The following MMS19 variants were observed in gnomAD, a reference collection of about 807,000 sequenced individuals.
The protein encoded by MMS19 is MMS19 cytosolic iron-sulfur assembly component, also known as MMS19 nucleotide excision repair protein homolog.
Under a neutral mutation model 129.8 loss-of-function variants are expected in MMS19, and 77 were observed. The ratio of observed to expected loss-of-function variants is 0.59; its 90% confidence interval spans 0.49 to 0.72. The LOEUF (loss-of-function observed/expected upper bound fraction) is 0.72, where lower values mean the gene tolerates loss of function less well. MMS19 is among the 30% of genes least tolerant of loss of function. The pLI, the probability that MMS19 is intolerant of heterozygous loss-of-function variation, is 0.00. For missense variants in MMS19, 1,168 were observed against 1,266.3 expected (o/e 0.92, Z 1.18); for synonymous variants, 491 against 502.8 (o/e 0.98, Z 0.31).
chr10:97,480,889 G>GGTCT (rs1280523413), intron 3 of MMS19, 53 bp downstream of exon 3: 1 of 1,292,818 alleles, frequency 7.7e-7, no homozygotes, highest in South Asian at 1.3e-5. Flanking sequence ...AATAGACATG[G>GGTCT]GAGACCTGGG....
chr10:97,467,810 C>G (rs187266150), intron 13 of MMS19, among the ~76,000 whole-genome samples: 1 of 151,516 alleles, frequency 6.6e-6, no homozygotes, highest in East Asian at 1.9e-4. Context: ...ACTACAGATG[C>G]GTGCCACCTT....
intron 18 of MMS19, among the ~76,000 whole-genome samples, chr10:97,465,364 C>T (rs998292624): frequency 2.0e-5 from 3 of 151,960 alleles, no homozygotes; most frequent in Non-Finnish European, 4.4e-5. Context: ...AGTACAGTGG[C>T]GCAATCTCAG....
intron 10 of MMS19, 46 bp downstream of exon 10, chr10:97,470,083 A>G (rs1316651238): frequency 7.7e-7 from 1 of 1,306,702 alleles, no homozygotes; most frequent in Middle Eastern, 1.8e-4. Context: ...AGGACCCCTA[A>G]CTTGTCAAAA....
rs752667384 is a variant in MMS19, at chr10:97,467,571, G to A, written c.1231C>T (p.Arg411Trp). 20 of 1,613,774 alleles carry A rather than the reference G, an allele frequency of 1.2e-5. No homozygotes were observed. The highest frequency in any genetic ancestry group is 1.4e-5 in the Non-Finnish European group (17 of 1,179,834). Residue 411 changes from arginine (R) to tryptophan (W), a missense_variant, in exon 14 of 31, where the codon CGG becomes TGG. By Grantham distance (101) the Arg-to-Trp change is moderately radical. Coordinates refer to ENST00000438925, the MANE Select transcript of MMS19 (RefSeq NM_022362.5). ...CCCAGGAGCATTTCAAGGATTGTCC[G>A]CCGCTGGCTGCTCTGTAACGTTTCA... ...FHKHSQSSQRRTILEMLLGFL... is the reference protein window; with the variant it reads ...FHKHSQSSQRWTILEMLLGFL...
chr10:97,485,215 A>G (rs1400759746), intron 1 of MMS19, among the ~76,000 whole-genome samples: 1 of 144,900 alleles, frequency 6.9e-6, no homozygotes, highest in East Asian at 2.1e-4. Context: ...TGCAACCTCC[A>G]CCTCCTGGGT....
At chr10:97,459,008 T>C in intron 29 of MMS19, 108 bp from the exon 30 acceptor site, 1 of 1,172,318 alleles carries the variant, frequency 8.5e-7, no homozygotes, top group Non-Finnish European at 1.2e-6. Flanking sequence ...ACATCTTTAG[T>C]GATTCCAAGG....
rs570380840 is a variant in MMS19, at chr10:97,465,419, T to C, written c.1756+386A>G. On this transcript the variant is annotated intron_variant, in intron 18 of 30. Transcript: ENST00000438925. ...TGTGGGTTCAAGAGATTCTCCTGCC[T>C]CAGCCTCCCCAGTAGCTGGGATTAC... 7.2e-5 allele frequency among the ~76,000 whole-genome samples: 11 copies of C among 152,344 alleles called. No individual in the cohort carries two copies. The East Asian group carries it at 1.3e-3, about 19-fold the overall frequency.
upstream of MMS19, chr10:97,498,670 T>C: frequency 4.7e-6 from 2 of 429,074 alleles, no homozygotes; most frequent in South Asian, 5.4e-5. Flanking sequence ...GGCACCTGGC[T>C]GGGTGGGGAG....
At chr10:97,483,246 G>T (rs2037208627) in intron 2 of MMS19, among the ~76,000 whole-genome samples, 1 of 152,078 alleles carries the variant, frequency 6.6e-6, no homozygotes. Flanking sequence ...TAGAGACAGG[G>T]TTTCACCTTG....
chr10:97,478,164 T>C, intron 4 of MMS19, 140 bp downstream of exon 4: 1 of 708,156 alleles, frequency 1.4e-6, no homozygotes, highest in Admixed American at 2.7e-5. Context: ...AAAACGGAAG[T>C]AGAGCTGGTA....
chr10:97,489,687 T>TA (rs1157035440), intron 1 of MMS19, among the ~76,000 whole-genome samples: 3 of 152,250 alleles, frequency 2.0e-5, no homozygotes, highest in Non-Finnish European at 4.4e-5. Flanking sequence ...CTTGAATTCT[T>TA]AGTCTCTCCT....
chr10:97,478,279 T>C (rs1278794590), intron 4 of MMS19, 25 bp downstream of exon 4: 11 of 1,553,708 alleles, frequency 7.1e-6, no homozygotes, highest in African/African-American at 2.7e-5. Context: ...AACAAAGTTA[T>C]GTAATGAAAT....
chr10:97,478,431 G>C, intron 3 of MMS19, 42 bp from the exon 4 acceptor site: 1 of 1,435,944 alleles, frequency 7.0e-7, no homozygotes, highest in Non-Finnish European at 9.7e-7. Context: ...ATAGGCACGA[G>C]AAGGGCCCAA....
intron 8 of MMS19, among the ~76,000 whole-genome samples, chr10:97,474,473 C>T (rs1315145734): frequency 5.9e-5 from 9 of 151,842 alleles, no homozygotes; most frequent in East Asian, 1.9e-4. Flanking sequence ...ACTCGAACCC[C>T]GGAGGCAGGG....
At chr10:97,470,700 T>A in intron 9 of MMS19, 75 bp downstream of exon 9, 1 of 924,196 alleles carries the variant, frequency 1.1e-6, no homozygotes, top group Non-Finnish European at 1.7e-6. Flanking sequence ...TATTTTTTTC[T>A]CCATGCTTTT....
At position 97,459,233 on chromosome 10, in the gene MMS19, G is replaced by C. The variant is rs2030906737; in HGVS notation, c.2954C>G (p.Pro985Arg). The C allele has an allele frequency of 1.2e-6, 2 of 1,612,062 alleles. 1 individual carries two copies. The highest frequency in any genetic ancestry group is 4.5e-5 in the East Asian group (2 of 44,808). Residue 985 changes from proline (P) to arginine (R), a missense_variant, in exon 29 of 31, where the codon CCC becomes CGC. Transcript: ENST00000438925. ...LQCMHALTRL[P>R]TPVLLPYKPQ... is the part of the protein sequence containing the mutation. ...ACCTGAGGTACTTACCACAGGGGTG[G>C]GCAGGCGAGTGAGAGCATGCATGCA...
chr10:97,458,606 G>A lies in MMS19; in HGVS notation c.*86C>T. On this transcript the variant is annotated 3_prime_UTR_variant, in exon 31 of 31. Coordinates refer to ENST00000438925, the MANE Select transcript of MMS19 (RefSeq NM_022362.5). ...CTGTGGGAAAGGCAGTCAGAGACCA[G>A]TGGTTTCCCTGCTTTGGGGAAGATG... 2.9e-6 allele frequency: 4 copies of A among 1,388,534 alleles called. No homozygotes were observed. The highest frequency in any genetic ancestry group is 3.9e-6 in the Non-Finnish European group (4 of 1,017,708). 86.0% of individuals were successfully genotyped at this position (1,388,534 alleles called of 1,614,324 possible).
chr10:97,464,920 T>TAC (rs1193525720), intron 18 of MMS19, among the ~76,000 whole-genome samples: 1 of 152,076 alleles, frequency 6.6e-6, no homozygotes, highest in Non-Finnish European at 1.5e-5. Context: ...GCTGGTTAGG[T>TAC]CTCAAACTCT....
At position 97,460,171 on chromosome 10, in the gene MMS19, AGCAGAGAGAAGCCATCAGCTGCT is replaced by A; in HGVS notation, c.2508_2530del (p.Ala837HisfsTer3). On this transcript the variant is annotated frameshift_variant, in exon 26 of 31. Coordinates refer to ENST00000438925, the MANE Select transcript of MMS19 (RefSeq NM_022362.5). LOFTEE classifies it high-confidence loss of function. ...CAGCACATCAGTGCAGTCAGACATG[AGCAGAGAGAAGCCATCAGCTGCT>A]GCTGGACCTAATTCTGGGTCACTCA... 1 of 1,614,000 alleles carries A rather than the reference AGCAGAGAGAAGCCATCAGCTGCT, an allele frequency of 6.2e-7. No homozygotes were observed. Among genetic ancestry groups the A allele is most frequent in the Non-Finnish European group, 8.5e-7 (1 of 1,179,892 alleles).
Sources: gnomAD v4.1 joint callset for allele counts (sites outside exome capture counted in the v4.1 genomes callset) on GRCh38, gnomAD v4.1.1 for gene constraint, MANE v1.5 for transcripts, NCBI Gene and HGNC (gene_info 2026-07-23, HGNC 2026-07-21) for gene names.